SETD7: variants seen among roughly 807,000 people sequenced by gnomAD.
SETD7 encodes SET domain containing 7, histone lysine methyltransferase, also known as histone-lysine N-methyltransferase SETD7.
SETD7 carries 16 observed loss-of-function variants against 41.8 expected under a neutral mutation model. The ratio of observed to expected loss-of-function variants is 0.38; its 90% CI spans 0.26 to 0.58. The LOEUF (loss-of-function observed/expected upper bound fraction) is 0.58. SETD7 is among the 20% of genes least tolerant of loss of function. The pLI, the probability that SETD7 is intolerant of heterozygous loss-of-function variation, is 0.64. For synonymous variants in SETD7, 163 were observed against 169.7 expected (o/e 0.96, Z 0.31); for missense variants, 346 against 459.7 (o/e 0.75, Z 2.26).
rs145376544 is a variant in SETD7, at chr4:139,528,092, A to T, written c.562+939T>A. On this transcript the variant is annotated intron_variant, in intron 4 of 7. Coordinates refer to ENST00000274031, the MANE Select transcript of SETD7 (RefSeq NM_030648.4). ...ATGCATATATTGTTTTCAGGGAATC[A>T]GACCAATTCAAATAGCTTTCTTAAG... Among the ~76,000 whole-genome samples, 4 of 152,344 alleles carry T rather than the reference A, an allele frequency of 2.6e-5. No homozygotes were observed. In the East Asian group the frequency reaches 7.7e-4, roughly 29 times the overall value.
exon 8 of SETD7, chr4:139,496,416 A>C (rs1726455997): frequency 1.4e-6 from 1 of 702,442 alleles, no homozygotes; most frequent in African/African-American, 1.7e-5. Flanking sequence ...GAGGAATGCC[A>C]GCTTTTCTGT....
chr4:139,513,381 C>T (rs1250506347), intron 7 of SETD7, among the ~76,000 whole-genome samples: 1 of 149,260 alleles, frequency 6.7e-6, no homozygotes, highest in East Asian at 2.0e-4. Context: ...GATTGCTCCA[C>T]TGCACTCCAG....
At chr4:139,544,660 A>T (rs1306574667) in intron 2 of SETD7, among the ~76,000 whole-genome samples, 1 of 152,202 alleles carries the variant, frequency 6.6e-6, no homozygotes, top group African/African-American at 2.4e-5. Context: ...TCAGAATTTT[A>T]GTCTAGCCCA....
At position 139,511,749 on chromosome 4, in the gene SETD7, G is replaced by C; in HGVS notation, c.1015C>G (p.His339Asp). ...GGCCCACTCTTCCCGGGGGGGCTGTGGTCATAGCCATAGGCAACGGTGAGC... is the reference window on the plus strand; with the variant it reads ...GGCCCACTCTTCCCGGGGGGGCTGTCGTCATAGCCATAGGCAACGGTGAGC... Reference protein sequence around the residue: ...EELTVAYGYDHSPPGKSGPEA... With the variant: ...EELTVAYGYDDSPPGKSGPEA... The change falls in exon 8 of 8, where the codon CAC becomes GAC. Residue 339 changes from histidine to aspartate, a missense_variant. His to Asp is a moderately conservative substitution (Grantham distance 81). Coordinates refer to ENST00000274031, the MANE Select transcript of SETD7 (RefSeq NM_030648.4). 1 of 1,614,186 alleles carries C rather than the reference G, an allele frequency of 6.2e-7. No homozygotes were observed. Among genetic ancestry groups the C allele is most frequent in the Non-Finnish European group, 8.5e-7 (1 of 1,180,016 alleles).
intron 6 of SETD7, 49 bp from the exon 7 acceptor site, chr4:139,518,091 G>A: frequency 1.9e-6 from 3 of 1,562,820 alleles, no homozygotes; most frequent in South Asian, 2.4e-5. Flanking sequence ...TCTCCCCAAA[G>A]GTCAAAGGAC....
chr4:139,553,197 T>G (rs1728159867), intron 1 of SETD7, among the ~76,000 whole-genome samples: 1 of 152,122 alleles, frequency 6.6e-6, no homozygotes, highest in Non-Finnish European at 1.5e-5. Flanking sequence ...TTTCCCAGAG[T>G]TACAATCATA....
chr4:139,511,688 G>T lies in SETD7; in HGVS notation c.1076C>A (p.Ala359Asp), dbSNP rs773359522. The T allele has an allele frequency of 5.0e-6, 8 of 1,613,180 alleles. No homozygotes were observed. The African/African-American group carries it at 1.1e-4, about 22-fold the overall frequency. ...APEWYQVELK[A>D]FQATQQK ...TCACTTTTGCTGGGTGGCCTGGAAG[G>T]CCTTCAGCTCCACCTGGTACCACTC... The change falls in exon 8 of 8, where the codon GCC (alanine) becomes GAC (aspartate). Residue 359 changes from alanine to aspartate, a missense_variant. Ala to Asp is a moderately radical substitution (Grantham distance 126). Around this residue, in one of 3 missense-constraint regions of SETD7, gnomAD observed 5 missense variants for 17.2 expected, o/e 0.29. Coordinates refer to ENST00000274031, the MANE Select transcript of SETD7 (RefSeq NM_030648.4).
intron 4 of SETD7, among the ~76,000 whole-genome samples, chr4:139,524,816 C>T (rs77545538): frequency 0.024 from 3,689 of 152,186 alleles, 77 homozygotes; most frequent in Non-Finnish European, 0.041. Flanking sequence ...AAACCACCCT[C>T]CCCCACTTTT....
Position 139,555,534 on chromosome 4 carries a change from T to C in SETD7, c.40+564A>G, listed in dbSNP as rs1728241273. 6.6e-6 allele frequency among the ~76,000 whole-genome samples: 1 copy of C among 152,060 alleles called. No individual in the cohort carries two copies. On this transcript the variant is annotated intron_variant, in intron 1 of 7. Transcript: ENST00000274031. This position sits in a 1 kb window ranked among gnomAD's most constrained non-coding sequence, Gnocchi z 4.0. The stretch of plus-strand genomic sequence containing the variant: ...TCCGTCGCCCGACAATGATTTCATC[T>C]TTTCGGAAGAGCTGCCGCCTGGGCC...
chr4:139,497,463 A>C (rs1726482725), intron 7 of SETD7, among the ~76,000 whole-genome samples: 1 of 152,126 alleles, frequency 6.6e-6, no homozygotes, highest in South Asian at 2.1e-4. Context: ...CGTCTCAAAA[A>C]AAATAAAATA....
At chr4:139,523,261 G>T in intron 5 of SETD7, 93 bp downstream of exon 5, 2 of 871,306 alleles carry the variant, frequency 2.3e-6, no homozygotes, top group Non-Finnish European at 3.7e-6. Context: ...AACCCAGCCT[G>T]GGCAGAGAGC....
intron 2 of SETD7, among the ~76,000 whole-genome samples, chr4:139,545,581 G>A (rs1184267849): frequency 6.6e-6 from 1 of 152,176 alleles, no homozygotes; most frequent in Non-Finnish European, 1.5e-5. Flanking sequence ...ATGAAGGTTG[G>A]AATTATAATT....
Position 139,511,469 on chromosome 4 carries a change from A to T in SETD7, c.*194T>A, listed in dbSNP as rs746638064. 3.1e-4 allele frequency: 294 copies of T among 938,392 alleles called. 1 individual carries two copies. The highest frequency in any genetic ancestry group is 4.1e-4 in the Non-Finnish European group (264 of 648,506). The allele number at this position is 938,392 out of a possible 1,614,324, so 58.1% of individuals were successfully genotyped here. A position where few individuals can be genotyped will look rare whatever the true frequency, so the allele number is the denominator to read the frequency against. Reference sequence around the variant, plus strand: ...TACCTCTCAGTAGGACGTTGTTGCAAGGCTAGCTAATTTTAAATCTGGTAT... The same window carrying T: ...TACCTCTCAGTAGGACGTTGTTGCATGGCTAGCTAATTTTAAATCTGGTAT... On this transcript the variant is annotated 3_prime_UTR_variant, in exon 8 of 8. Transcript: ENST00000274031.
Position 139,509,729 on chromosome 4 carries a change from C to T in SETD7, c.*1934G>A, listed in dbSNP as rs747921057. ...GCAAGTCCAGAGGCCCTGGCCCATCCGTCACAGTGTATAGAACGGTCTCTT... is the reference window on the plus strand; with the variant it reads ...GCAAGTCCAGAGGCCCTGGCCCATCTGTCACAGTGTATAGAACGGTCTCTT... On this transcript the variant is annotated 3_prime_UTR_variant, in exon 8 of 8. Transcript: ENST00000274031. The T allele has an allele frequency of 2.9e-5, 29 of 985,380 alleles. No homozygotes were observed. The highest frequency in any genetic ancestry group is 3.5e-5 in the African/African-American group (2 of 57,242). 61.0% of individuals were successfully genotyped at this position (985,380 alleles called of 1,614,324 possible).
chr4:139,511,529 A>C lies in SETD7; in HGVS notation c.*134T>G. On this transcript the variant is annotated 3_prime_UTR_variant, in exon 8 of 8. Transcript: ENST00000274031. Reference sequence around the variant, plus strand: ...AGTCAAACCTAGTTAGTATGCGAGAAAGTCGTTGCTAACGCATGGTGAGAG... The same window carrying C: ...AGTCAAACCTAGTTAGTATGCGAGACAGTCGTTGCTAACGCATGGTGAGAG... 6 of 1,528,538 alleles carry C rather than the reference A, an allele frequency of 3.9e-6. No homozygotes were observed. In the South Asian group the frequency reaches 6.1e-5, roughly 15 times the overall value. The allele number at this position is 1,528,538 out of a possible 1,614,324, so 94.7% of individuals were successfully genotyped here.
chr4:139,545,880 CATTTTACCCAACCAACGGGTCTG>C (rs1461279841), intron 2 of SETD7, among the ~76,000 whole-genome samples: 4 of 152,194 alleles, frequency 2.6e-5, no homozygotes, highest in African/African-American at 9.7e-5. Flanking sequence ...AGTCAGTTTC[CATTTTACCCAACCAACGGGTCTG>C]AAAATAGCTA....
At position 139,556,202 on chromosome 4, in the gene SETD7, G is replaced by A. The variant is rs1728279080; in HGVS notation, c.-65C>T. ...GCCTCCCGTCCCTCTGGGTGCTCCCGGCGGCTGAGCGAGCTCTGGGGCTCG... is the reference window on the plus strand; with the variant it reads ...GCCTCCCGTCCCTCTGGGTGCTCCCAGCGGCTGAGCGAGCTCTGGGGCTCG... On this transcript the variant is annotated 5_prime_UTR_variant, in exon 1 of 8. Transcript: ENST00000274031. 2.0e-6 allele frequency: 3 copies of A among 1,528,534 alleles called. No homozygotes were observed. The highest frequency in any genetic ancestry group is 2.0e-5 in the Admixed American group (1 of 50,254). The allele number at this position is 1,528,534 out of a possible 1,614,324, so 94.7% of individuals were successfully genotyped here. A position where few individuals can be genotyped will look rare whatever the true frequency, so the allele number is the denominator to read the frequency against.
intron 7 of SETD7, among the ~76,000 whole-genome samples, chr4:139,497,660 G>A (rs546052085): frequency 1.3e-5 from 2 of 150,600 alleles, no homozygotes; most frequent in Admixed American, 6.6e-5. Flanking sequence ...CGCAATCTCG[G>A]CTCACTGCAA....
chr4:139,547,082 C>T (rs1334688315), intron 1 of SETD7, 33 bp from the exon 2 acceptor site: 1 of 1,612,376 alleles, frequency 6.2e-7, no homozygotes, highest in Admixed American at 1.7e-5. Flanking sequence ...CAAACCTTAA[C>T]ATCTTCAGTG....
Sources: gnomAD v4.1 joint callset for allele counts (sites outside exome capture counted in the v4.1 genomes callset) on GRCh38, gnomAD v4.1.1 for gene constraint, gnomAD v4.1.1 regional missense constraint, Gnocchi (gnomAD v3.1) non-coding constraint, MANE v1.5 for transcripts, NCBI Gene and HGNC (gene_info 2026-07-23, HGNC 2026-07-21) for gene names.